The following RABGAP1L variants were observed in gnomAD, a reference collection of about 807,000 sequenced individuals.
RABGAP1L encodes RAB GTPase activating protein 1 like, also known as rab GTPase-activating protein 1-like.
In RABGAP1L, 63 loss-of-function variants were observed where a neutral mutation model predicts 137.7. The observed-to-expected ratio is 0.46, with a 90% CI of 0.37 to 0.56. RABGAP1L has a LOEUF of 0.56. Ranked by LOEUF, RABGAP1L falls within the 20% of genes least tolerant of loss-of-function variation. The pLI, the probability that RABGAP1L is intolerant of heterozygous loss-of-function variation, is 0.00. For synonymous variants in RABGAP1L, 431 were observed against 433.7 expected, an observed-to-expected ratio of 0.99 and a Z score of 0.08; for missense variants, 1,095 against 1,244.0, an observed-to-expected ratio of 0.88 and a Z score of 1.80.
At chr1:174,250,210 G>C (rs530374068) in intron 5 of RABGAP1L, among the ~76,000 whole-genome samples, 1 of 151,980 alleles carries the variant, frequency 6.6e-6, no homozygotes, top group African/African-American at 2.4e-5. Context: ...ATTGATGATA[G>C]TTTTTAGGTT....
intron 18 of RABGAP1L, among the ~76,000 whole-genome samples, chr1:174,804,269 G>GTT (rs1558095370): frequency 6.4e-5 from 7 of 110,098 alleles, no homozygotes; most frequent in Non-Finnish European, 1.3e-4. Context: ...GTTTTGTTTT[G>GTT]TTTTGTTTTT....
intron 11 of RABGAP1L, among the ~76,000 whole-genome samples, chr1:174,355,998 A>G (rs1298030892): frequency 4.6e-5 from 7 of 152,224 alleles, no homozygotes; most frequent in African/African-American, 1.7e-4. Context: ...TAGAACAAGT[A>G]TAGTATTCTG....
At chr1:174,697,938 A>G (rs1290569615) in intron 15 of RABGAP1L, among the ~76,000 whole-genome samples, 1 of 152,236 alleles carries the variant, frequency 6.6e-6, no homozygotes, top group East Asian at 1.9e-4. Context: ...AAACACTATA[A>G]TGTATTTATT....
At chr1:174,764,628 A>G (rs1248311603) in intron 18 of RABGAP1L, among the ~76,000 whole-genome samples, 1 of 152,068 alleles carries the variant, frequency 6.6e-6, no homozygotes, top group Non-Finnish European at 1.5e-5. Context: ...TTGTTTTTTT[A>G]GGGCTGGGGT....
chr1:174,703,266 C>T (rs182758492), intron 17 of RABGAP1L, among the ~76,000 whole-genome samples: 225 of 152,268 alleles, frequency 1.5e-3, no homozygotes, highest in African/African-American at 5.1e-3. Context: ...CCCCTACCCC[C>T]CTCTCACTGT....
chr1:174,195,728 T>G (rs932566866), intron 1 of RABGAP1L, among the ~76,000 whole-genome samples: 13 of 102,518 alleles, frequency 1.3e-4, no homozygotes, highest in African/African-American at 5.0e-4. Context: ...TTTCTTTTCT[T>G]TCTTTTCTTT....
chr1:174,213,545 A>G (rs906280368), intron 1 of RABGAP1L, among the ~76,000 whole-genome samples: 12 of 152,226 alleles, frequency 7.9e-5, no homozygotes, highest in African/African-American at 2.7e-4. Context: ...GTAGGCTAAT[A>G]TCTCTGATGA....
intron 13 of RABGAP1L, among the ~76,000 whole-genome samples, chr1:174,546,653 A>G (rs1344407854): frequency 6.6e-6 from 1 of 152,218 alleles, no homozygotes; most frequent in Admixed American, 6.5e-5. Context: ...GGGAATTAGA[A>G]CCATTAGAAT....
intron 17 of RABGAP1L, among the ~76,000 whole-genome samples, chr1:174,744,720 G>A (rs1275132255): frequency 1.3e-5 from 2 of 152,106 alleles, no homozygotes; most frequent in African/African-American, 2.4e-5. Flanking sequence ...TCAAGGTCAT[G>A]AAAAATAAAC....
At chr1:174,340,204 C>G (rs1324289752) in intron 11 of RABGAP1L, among the ~76,000 whole-genome samples, 1 of 152,088 alleles carries the variant, frequency 6.6e-6, no homozygotes, top group Non-Finnish European at 1.5e-5. Context: ...ACATGTTTCT[C>G]TTTATTTCTT....
chr1:174,330,864 G>T (rs751160974), intron 11 of RABGAP1L, among the ~76,000 whole-genome samples: 3 of 151,978 alleles, frequency 2.0e-5, no homozygotes, highest in Non-Finnish European at 4.4e-5. Flanking sequence ...AGCCACAAAA[G>T]ACCCTAAATA....
chr1:174,754,082 C>T (rs1295498847), intron 18 of RABGAP1L, among the ~76,000 whole-genome samples: 3 of 152,302 alleles, frequency 2.0e-5, no homozygotes, highest in East Asian at 1.9e-4. Context: ...TCCATGTTAA[C>T]ACAGACAAGG....
chr1:174,275,028 C>T (rs1674864149), intron 8 of RABGAP1L: 1 of 152,136 alleles, frequency 6.6e-6, no homozygotes, highest in Non-Finnish European at 1.5e-5. Context: ...TTTCATGGGA[C>T]AAACTCTACC....
chr1:174,568,315 C>T (rs1456657494), intron 13 of RABGAP1L, among the ~76,000 whole-genome samples: 1 of 152,096 alleles, frequency 6.6e-6, no homozygotes, highest in Admixed American at 6.6e-5. Flanking sequence ...TAGGCCCCAC[C>T]CCAACACTGG....
At chr1:174,966,547 T>C (rs1669643885) in intron 20 of RABGAP1L, among the ~76,000 whole-genome samples, 1 of 152,206 alleles carries the variant, frequency 6.6e-6, no homozygotes, top group African/African-American at 2.4e-5. Flanking sequence ...AGGCTAACTC[T>C]CCAGCCCCTG....
intron 13 of RABGAP1L, 22 bp from the exon 14 acceptor site, chr1:174,637,353 G>C: frequency 6.6e-7 from 1 of 1,514,650 alleles, no homozygotes; most frequent in Non-Finnish European, 9.1e-7. Flanking sequence ...TAATAACCAG[G>C]TCTATTTTCT....
chr1:174,952,591 ATTTG>A (rs1186652611), intron 19 of RABGAP1L, among the ~76,000 whole-genome samples: 1 of 151,682 alleles, frequency 6.6e-6, no homozygotes, highest in African/African-American at 2.4e-5. Context: ...ATATGTTTTT[ATTTG>A]TTTGTTTTAT....
At chr1:174,283,964 C>T (rs552386306) in intron 10 of RABGAP1L, among the ~76,000 whole-genome samples, 50 of 152,250 alleles carry the variant, frequency 3.3e-4, no homozygotes, top group Admixed American at 5.2e-4. Flanking sequence ...CTACCTAGTT[C>T]ATGAATTTTT....
rs3057021 is a variant in RABGAP1L at position 174,327,986 on chromosome 1, CATATATATATAT to C, written c.1465+22887_1465+22898del. Among the ~76,000 whole-genome samples, 48 of 53,628 alleles carry C rather than the reference CATATATATATAT, an allele frequency of 9.0e-4. 2 individuals carry two copies. The highest frequency in any genetic ancestry group is 1.2e-3 in the South Asian group (2 of 1,650). The allele number at this position is 53,628 out of a possible 152,430, so 35.2% of individuals were successfully genotyped here. A position where few individuals can be genotyped will look rare whatever the true frequency, so the allele number is the denominator to read the frequency against. Reference sequence around the variant, plus strand: ...ATATATATATATATATATACACACACATATATATATATATATATATATATATATATATATATA... The same window carrying C: ...ATATATATATATATATATACACACACATATATATATATATATATATATATA... On this transcript the variant is annotated intron_variant, in intron 11 of 25. Coordinates refer to ENST00000681986, the MANE Select transcript of RABGAP1L (RefSeq NM_001366446.1).
Sources: gnomAD v4.1 joint callset for allele counts (sites outside exome capture counted in the v4.1 genomes callset) on GRCh38, gnomAD v4.1.1 for gene constraint, MANE v1.5 for transcripts, NCBI Gene and HGNC (gene_info 2026-07-23, HGNC 2026-07-21) for gene names.